The following SLC4A11 variants were observed in gnomAD, a reference collection of about 807,000 sequenced individuals.
SLC4A11 encodes bicarbonate transporter related protein 1.
A neutral mutation model predicts 95.0 loss-of-function variants in SLC4A11; 74 were observed. The ratio of observed to expected loss-of-function variants is 0.78; its 90% CI spans 0.65 to 0.95. The LOEUF is 0.95. SLC4A11 is among the 40% of genes least tolerant of loss of function. The pLI, the probability that SLC4A11 is intolerant of heterozygous loss-of-function variation, is 0.00. For synonymous variants in SLC4A11, 548 were observed against 519.0 expected (o/e 1.06, Z -0.76); for missense variants, 1,081 against 1,192.4 (o/e 0.91, Z 1.38).
chr20:3,231,094 G>T lies in SLC4A11; in HGVS notation c.1043-36C>A. 1.2e-6 allele frequency: 2 copies of T among 1,614,156 alleles called. No homozygotes were observed. The highest frequency in any genetic ancestry group is 1.7e-6 in the Non-Finnish European group (2 of 1,180,030). On this transcript the variant is annotated intron_variant, in intron 9 of 19. Coordinates refer to ENST00000642402, the MANE Select transcript of SLC4A11 (RefSeq NM_001174089.2). The surrounding 1 kb of genome is among the most constrained non-coding windows in gnomAD (Gnocchi z 5.2). The stretch of plus-strand genomic sequence containing the variant: ...GGGATGGGAGAGAGGGTTTGCTGGG[G>T]ATGCAGGACAGGCACACGTGTGGGC...
chr20:3,237,700 T>C, intron 1 of SLC4A11, 112 bp from the exon 2 acceptor site: 1 of 1,614,018 alleles, frequency 6.2e-7, no homozygotes, highest in African/African-American at 1.3e-5. Context: ...TTCCGAGGGA[T>C]GCAACCCACG....
chr20:3,233,566 T>TC lies in SLC4A11; in HGVS notation c.676dup (p.Glu226GlyfsTer5). 6.2e-7 allele frequency: 1 copy of TC among 1,613,442 alleles called. No individual in the cohort carries two copies. On this transcript the variant is annotated frameshift_variant, in exon 7 of 20. Transcript: ENST00000642402. LOFTEE classifies it high-confidence loss of function. ...GACGAACCGAACCTCACAGGAATTC[T>TC]CCCCCCAGTTCTGTGGGCGAACCAG...
In SLC4A11 at chr20:3,234,018, G is replaced by A. The variant is rs770043166; in HGVS notation, c.524-16C>T. 1.9e-6 allele frequency: 3 copies of A among 1,613,790 alleles called. No homozygotes were observed. The highest frequency in any genetic ancestry group is 2.2e-5 in the South Asian group (2 of 91,086). ...AGCAGGTGGACTGAGGAAAGAGTGAGGGGGAGGGTGGTGGGTCAACAGCCC... is the reference window on the plus strand; with the variant it reads ...AGCAGGTGGACTGAGGAAAGAGTGAAGGGGAGGGTGGTGGGTCAACAGCCC... On this transcript the variant is annotated splice_polypyrimidine_tract_variant and intron_variant, in intron 5 of 19. Coordinates refer to ENST00000642402, the MANE Select transcript of SLC4A11 (RefSeq NM_001174089.2). The surrounding 1 kb of genome is among the most constrained non-coding windows in gnomAD (Gnocchi z 5.8).
chr20:3,232,344 T>G lies in SLC4A11; in HGVS notation c.730-796A>C, dbSNP rs11908503. Among the ~76,000 whole-genome samples, 671 of 152,360 alleles carry G rather than the reference T, an allele frequency of 4.4e-3. 7 individuals are homozygous for G. Among genetic ancestry groups the G allele is most frequent in the African/African-American group, 0.015 (627 of 41,600 alleles). On this transcript the variant is annotated intron_variant, in intron 7 of 19. Coordinates refer to ENST00000642402, the MANE Select transcript of SLC4A11 (RefSeq NM_001174089.2). ...CAGCAACCTGCTCACCTAGGGGCAG[T>G]GTCTGCCCGTCTGTTGCTCAAAGCT...
At chr20:3,238,309 G>T in intron 1 of SLC4A11, 1 of 1,241,908 alleles carries the variant, frequency 8.1e-7, no homozygotes, top group East Asian at 3.2e-5. Flanking sequence ...GAGGAAGGAA[G>T]CGACAGGAGG....
In SLC4A11 at chr20:3,229,511, T is replaced by G; in HGVS notation, c.1742+13A>C. ...ACCCATGCGGCCCCTCCCCTCCCCA[T>G]GCAGCCCCTCACCTCTTCTTGAATT... On this transcript the variant is annotated intron_variant, in intron 14 of 19. Coordinates refer to ENST00000642402, the MANE Select transcript of SLC4A11 (RefSeq NM_001174089.2). 2 of 1,612,720 alleles carry G rather than the reference T, an allele frequency of 1.2e-6. No individual in the cohort carries two copies. The highest frequency in any genetic ancestry group is 1.7e-6 in the Non-Finnish European group (2 of 1,179,920).
Position 3,234,647 on chromosome 20 carries a change from G to T in SLC4A11, c.242-30C>A. On this transcript the variant is annotated intron_variant, in intron 3 of 19. Coordinates refer to ENST00000642402, the MANE Select transcript of SLC4A11 (RefSeq NM_001174089.2). This position sits in a 1 kb window ranked among gnomAD's most constrained non-coding sequence, Gnocchi z 5.8. ...CGGAGAAAAGCGGGGAGGGCTCAGG[G>T]TGCCACCCTCTCCTCAGGTCTTTCT... The T allele has an allele frequency of 1.9e-6, 3 of 1,613,856 alleles. No homozygotes were observed. Among genetic ancestry groups the T allele is most frequent in the Non-Finnish European group, 2.5e-6 (3 of 1,180,010 alleles).
intron 19 of SLC4A11, 87 bp downstream of exon 19, chr20:3,228,172 G>T: frequency 7.1e-7 from 1 of 1,406,592 alleles, no homozygotes; most frequent in Non-Finnish European, 9.8e-7. Context: ...CCCCTAGGTG[G>T]GACCCCTCCT....
At chr20:3,238,689 G>A (rs1302909584) in intron 1 of SLC4A11, 2 of 1,007,320 alleles carry the variant, frequency 2.0e-6, no homozygotes, top group African/African-American at 3.4e-5. Flanking sequence ...GCGCCGGACG[G>A]GAAGATGCCC....
intron 14 of SLC4A11, 31 bp downstream of exon 14, chr20:3,229,493 C>T (rs373117484): frequency 2.7e-4 from 439 of 1,612,574 alleles, no homozygotes; most frequent in Admixed American, 1.1e-3. Context: ...TTGACCCATG[C>T]GGCCCCTCCC....
In SLC4A11 at chr20:3,230,507, C is replaced by T. The variant is rs770638033; in HGVS notation, c.1415+8G>A. The T allele has an allele frequency of 2.9e-5, 46 of 1,613,742 alleles. No individual in the cohort carries two copies. In the South Asian group the frequency reaches 3.0e-4, roughly 10 times the overall value. ...AGGGTCCCAGCAGCTCACGGAAGGG[C>T]CAGTCACCTCTTGAAGAGACTCATG... On this transcript the variant is annotated splice_region_variant and intron_variant, in intron 12 of 19. Transcript: ENST00000642402.
At chr20:3,236,750 C>T (rs1364137808) in intron 2 of SLC4A11, among the ~76,000 whole-genome samples, 2 of 152,090 alleles carry the variant, frequency 1.3e-5, no homozygotes, top group Non-Finnish European at 2.9e-5. Context: ...CAACCAGCAC[C>T]CACTAGTCCC....
intron 1 of SLC4A11, chr20:3,238,438 G>C: frequency 1.9e-6 from 2 of 1,034,094 alleles, no homozygotes; most frequent in Non-Finnish European, 2.3e-6. Context: ...GGGGGCGGGG[G>C]CGCTGGGGCG....
chr20:3,231,106 G>GCA lies in SLC4A11; in HGVS notation c.1042+41_1042+42dup, dbSNP rs1349685625. 4.3e-6 allele frequency: 7 copies of GCA among 1,614,016 alleles called. No homozygotes were observed. Among genetic ancestry groups the GCA allele is most frequent in the African/African-American group, 1.3e-5 (1 of 74,928 alleles). On this transcript the variant is annotated intron_variant, in intron 9 of 19. Coordinates refer to ENST00000642402, the MANE Select transcript of SLC4A11 (RefSeq NM_001174089.2). This position sits in a 1 kb window ranked among gnomAD's most constrained non-coding sequence, Gnocchi z 5.2. ...AGGGTTTGCTGGGGATGCAGGACAG[G>GCA]CACACGTGTGGGCCCAAGGCCTGGA...
At chr20:3,229,834 T>TGGAG in intron 13 of SLC4A11, 58 bp from the exon 14 acceptor site, 1 of 1,611,244 alleles carries the variant, frequency 6.2e-7, no homozygotes, top group Non-Finnish European at 8.5e-7. Flanking sequence ...GGGGAGGCCC[T>TGGAG]GGAGGGAGGG....
In SLC4A11 at chr20:3,230,726, C is replaced by A. The variant is rs1335404693; in HGVS notation, c.1282+6G>T. On this transcript the variant is annotated splice_donor_region_variant and intron_variant, in intron 11 of 19. Transcript: ENST00000642402. Reference sequence around the variant, plus strand: ...GCACCATCTCCCGCCTCAGCCCCCACTGCACCCTGGATGTAGAGCGCCAGG... The same window carrying A: ...GCACCATCTCCCGCCTCAGCCCCCAATGCACCCTGGATGTAGAGCGCCAGG... The A allele has an allele frequency of 2.5e-6, 4 of 1,613,252 alleles. No individual in the cohort carries two copies. The African/African-American group carries it at 4.0e-5, about 16-fold the overall frequency.
chr20:3,233,396 G>A (rs921044554), intron 7 of SLC4A11, 118 bp downstream of exon 7: 71 of 1,484,316 alleles, frequency 4.8e-5, no homozygotes, highest in African/African-American at 3.8e-4. Context: ...GGGCCGAGGC[G>A]AAGGGGAGGG....
intron 2 of SLC4A11, among the ~76,000 whole-genome samples, chr20:3,235,296 C>G (rs933069447): frequency 9.0e-6 from 1 of 111,510 alleles, no homozygotes; most frequent in African/African-American, 3.1e-5. Context: ...CTCTCTCTCT[C>G]TCTCTCTCTC....
In SLC4A11 at chr20:3,231,081, A is replaced by G. The variant is rs201049806; in HGVS notation, c.1043-23T>C. 5.5e-5 allele frequency: 88 copies of G among 1,611,394 alleles called. No individual in the cohort carries two copies. The African/African-American group carries it at 1.0e-3, about 19-fold the overall frequency. On this transcript the variant is annotated intron_variant, in intron 9 of 19. Transcript: ENST00000642402. This position sits in a 1 kb window ranked among gnomAD's most constrained non-coding sequence, Gnocchi z 5.2. ...TGCCTAGGAATGGGGGATGGGAGAG[A>G]GGGTTTGCTGGGGATGCAGGACAGG...
Sources: allele counts gnomAD v4.1 joint callset (sites outside exome capture counted in the v4.1 genomes callset), GRCh38; gene constraint gnomAD v4.1.1; non-coding constraint Gnocchi (gnomAD v3.1); transcripts MANE v1.5; gene names NCBI Gene and HGNC (gene_info 2026-07-23, HGNC 2026-07-21).